IGSF10: variants seen among roughly 807,000 people sequenced by gnomAD.
IGSF10 encodes calvaria mechanical force protein 608.
IGSF10 carries 126 observed loss-of-function variants against 128.2 expected under a neutral mutation model. The ratio of observed to expected loss-of-function variants is 0.98; its 90% CI spans 0.85 to 1.14. IGSF10 has a LOEUF of 1.14. Ranked by LOEUF, IGSF10 falls within the 50% of genes most tolerant of loss-of-function variation. IGSF10 has a pLI of 0.00. For missense variants in IGSF10, 3,295 were observed against 3,149.8 expected (o/e 1.05, Z -1.10); for synonymous variants, 1,185 against 1,146.2 (o/e 1.03, Z -0.68).
At chr3:151,567,743 T>G in the IGSF10 span, among the ~76,000 whole-genome samples, 3 of 152,204 alleles carry the variant, frequency 2.0e-5, no homozygotes, top group Non-Finnish European at 4.4e-5. Flanking sequence ...CCCCAGAGCC[T>G]GCTGAAATGA....
intron 4 of IGSF10, 119 bp from the exon 5 acceptor site, chr3:151,453,893 T>C (rs1043865222): frequency 3.7e-5 from 22 of 587,736 alleles, no homozygotes; most frequent in Non-Finnish European, 5.8e-5. Context: ...TATACCTTCT[T>C]AGGATCCCAA....
At chr3:151,503,615 T>C in the IGSF10 span, among the ~76,000 whole-genome samples, 3 of 152,146 alleles carry the variant, frequency 2.0e-5, no homozygotes, top group Non-Finnish European at 4.4e-5. Flanking sequence ...CATGACATTT[T>C]AAATGCCCAG....
At position 151,448,789 on chromosome 3, in the gene IGSF10, G is replaced by T; in HGVS notation, c.1192C>A (p.Pro398Thr). ...TGTTTATATTTGTAATAGAGCTGCGGTGTTTCACTAAGCAAGTGGCTCCTT... is the reference window on the plus strand; with the variant it reads ...TGTTTATATTTGTAATAGAGCTGCGTTGTTTCACTAAGCAAGTGGCTCCTT... ...LERSHLLSET[P>T]QLYYKYKQVA... The change falls in exon 6 of 8, where the codon CCG (proline) becomes ACG (threonine). Residue 398 changes from proline (P) to threonine (T), a missense_variant. Pro to Thr is a conservative substitution (Grantham distance 38). Coordinates refer to ENST00000282466, the MANE Select transcript of IGSF10 (RefSeq NM_178822.5). 1 of 1,613,606 alleles carries T rather than the reference G, an allele frequency of 6.2e-7. No individual in the cohort carries two copies. Among genetic ancestry groups the T allele is most frequent in the Non-Finnish European group, 8.5e-7 (1 of 1,179,546 alleles).
chr3:151,449,050 C>T lies in IGSF10; in HGVS notation c.931G>A (p.Ala311Thr), dbSNP rs759546605. 2.5e-6 allele frequency: 4 copies of T among 1,614,182 alleles called. No individual in the cohort carries two copies. The South Asian group carries it at 3.3e-5, about 13-fold the overall frequency. Residue 311 changes from alanine (A) to threonine (T), a missense_variant, in exon 6 of 8, where the codon GCA (alanine) becomes ACA (threonine). By Grantham distance (58) the Ala-to-Thr change is moderately conservative. Coordinates refer to ENST00000282466, the MANE Select transcript of IGSF10 (RefSeq NM_178822.5). ...TTCAAAGTGAGGGAGCCAAAGGGTG[C>T]CATGAAACCTTGGGGAGAGATGAAA... ...SAFISPQGFM[A>T]PFGSLTLNMT...
At chr3:151,570,104 T>G in the IGSF10 span, among the ~76,000 whole-genome samples, 1 of 152,240 alleles carries the variant, frequency 6.6e-6, no homozygotes, top group Admixed American at 6.5e-5. Context: ...ATGGTGTATA[T>G]GTGCCACATT....
At chr3:151,618,705 G>C in the IGSF10 span, among the ~76,000 whole-genome samples, 2 of 148,650 alleles carry the variant, frequency 1.3e-5, no homozygotes, top group African/African-American at 2.5e-5. Flanking sequence ...ACTCCAGCCC[G>C]GGCAACAGAG....
the IGSF10 span, among the ~76,000 whole-genome samples, chr3:151,506,514 A>C: frequency 6.6e-6 from 1 of 152,222 alleles, no homozygotes; most frequent in Non-Finnish European, 1.5e-5. Flanking sequence ...TATGTATAAT[A>C]AAAACTCTTA....
chr3:151,455,922 T>TGAAC (rs1314160329), intron 4 of IGSF10, among the ~76,000 whole-genome samples: 2 of 152,234 alleles, frequency 1.3e-5, no homozygotes. Flanking sequence ...TGACTTGGCC[T>TGAAC]GAACTATCAT....
At chr3:151,583,289 G>A in the IGSF10 span, among the ~76,000 whole-genome samples, 1 of 151,562 alleles carries the variant, frequency 6.6e-6, no homozygotes, top group African/African-American at 2.4e-5. Context: ...CCATACAATT[G>A]CATTTCAGGC....
chr3:151,571,560 A>T, the IGSF10 span, among the ~76,000 whole-genome samples: 1 of 152,134 alleles, frequency 6.6e-6, no homozygotes, highest in Non-Finnish European at 1.5e-5. Flanking sequence ...TGATTTTTGC[A>T]CATTGATTTT....
At chr3:151,607,061 A>G in the IGSF10 span, among the ~76,000 whole-genome samples, 24 of 152,304 alleles carry the variant, frequency 1.6e-4, no homozygotes, top group African/African-American at 5.8e-4. Context: ...ATCTCTAAAT[A>G]GAGGAGAGTT....
chr3:151,524,025 A>G, the IGSF10 span, among the ~76,000 whole-genome samples: 1 of 152,356 alleles, frequency 6.6e-6, no homozygotes, highest in African/African-American at 2.4e-5. Flanking sequence ...GAAGACATAC[A>G]AGTGGCCAAG....
chr3:151,619,556 G>A, the IGSF10 span, among the ~76,000 whole-genome samples: 1 of 151,446 alleles, frequency 6.6e-6, no homozygotes, highest in Non-Finnish European at 1.5e-5. Context: ...ATATTTGTTT[G>A]TATTTTTTCC....
the IGSF10 span, among the ~76,000 whole-genome samples, chr3:151,521,984 C>T: frequency 6.6e-6 from 1 of 151,610 alleles, no homozygotes; most frequent in African/African-American, 2.4e-5. Flanking sequence ...AGAGAAAATC[C>T]AAATAAACAC....
downstream of IGSF10, chr3:151,435,477 A>AAGTC (rs573905909): frequency 4.6e-5 from 7 of 151,912 alleles, no homozygotes; most frequent in East Asian, 1.9e-4. Flanking sequence ...GGCTAACTGA[A>AAGTC]AGTCAGTGTG....
chr3:151,556,700 C>T, the IGSF10 span, among the ~76,000 whole-genome samples: 30 of 152,154 alleles, frequency 2.0e-4, 1 homozygote, highest in Admixed American at 1.1e-3. Flanking sequence ...TCCTCTCCAG[C>T]CTTTGAGAGG....
At chr3:151,491,658 A>G in the IGSF10 span, among the ~76,000 whole-genome samples, 403 of 152,282 alleles carry the variant, frequency 2.6e-3, no homozygotes, top group Non-Finnish European at 4.4e-3. Context: ...AGTAAGTAAT[A>G]AAACATCTCC....
chr3:151,614,251 A>C, the IGSF10 span, among the ~76,000 whole-genome samples: 3 of 152,324 alleles, frequency 2.0e-5, no homozygotes, highest in South Asian at 6.2e-4. Flanking sequence ...ATCACTGTGG[A>C]AGTCAGTGTG....
At chr3:151,601,465 A>C in the IGSF10 span, among the ~76,000 whole-genome samples, 2 of 152,222 alleles carry the variant, frequency 1.3e-5, no homozygotes, top group Non-Finnish European at 2.9e-5. Flanking sequence ...GTAAATTTTA[A>C]AGTCAAGTCT....
Sources: gnomAD v4.1 joint callset for allele counts (sites outside exome capture counted in the v4.1 genomes callset) on GRCh38, gnomAD v4.1.1 for gene constraint, MANE v1.5 for transcripts, NCBI Gene and HGNC (gene_info 2026-07-23, HGNC 2026-07-21) for gene names.